The following INPP4B variants were observed in gnomAD, a reference collection of about 807,000 sequenced individuals.
The protein encoded by INPP4B is inositol polyphosphate-4-phosphatase type II B, also known as inositol polyphosphate 4-phosphatase type II.
INPP4B carries 55 observed loss-of-function variants against 122.5 expected under a neutral mutation model. That is an observed-to-expected ratio of 0.45 (90% CI 0.36 to 0.56). The LOEUF (loss-of-function observed/expected upper bound fraction) is 0.56. Ranked by LOEUF, INPP4B falls within the 20% of genes least tolerant of loss-of-function variation. The probability of loss-of-function intolerance (pLI) is 0.00; values close to 1 mark genes in which losing one functional copy is unlikely to be tolerated. For synonymous variants in INPP4B, 403 were observed against 388.7 expected (o/e 1.04, Z -0.43); for missense variants, 1,000 against 1,097.7 (o/e 0.91, Z 1.26).
chr4:142,244,139 C>T (rs1003975304), intron 11 of INPP4B, among the ~76,000 whole-genome samples: 2 of 151,630 alleles, frequency 1.3e-5, no homozygotes, highest in Non-Finnish European at 2.9e-5. Context: ...TCAACTCCCA[C>T]TTACGAGTGA....
intron 2 of INPP4B, among the ~76,000 whole-genome samples, chr4:142,691,600 A>C (rs963873087): frequency 6.6e-6 from 1 of 152,152 alleles, no homozygotes; most frequent in African/African-American, 2.4e-5. Flanking sequence ...ACAAACTCAG[A>C]ATCCTGGTTA....
Position 142,142,168 on chromosome 4 carries a change from G to A in INPP4B, c.1720+3672C>T, listed in dbSNP as rs565686924. On this transcript the variant is annotated intron_variant, in intron 18 of 25. Coordinates refer to ENST00000262992, the MANE Select transcript of INPP4B (RefSeq NM_001101669.3). ...CAATTCACTAATTAATTGTAAAAAA[G>A]AAAGGAGCAAAATGGCTTGGGCTGG... is the stretch of plus-strand genomic sequence containing the variant. 2.0e-4 allele frequency among the ~76,000 whole-genome samples: 31 copies of A among 152,066 alleles called. No individual in the cohort carries two copies. In the South Asian group the frequency reaches 2.7e-3, roughly 13 times the overall value.
chr4:142,352,508 CTT>C (rs1312574054), intron 7 of INPP4B, among the ~76,000 whole-genome samples: 1 of 151,126 alleles, frequency 6.6e-6, no homozygotes, highest in Non-Finnish European at 1.5e-5. Flanking sequence ...ATATATATTA[CTT>C]TTCTACACCA....
At position 142,122,689 on chromosome 4, in the gene INPP4B, TAACAGAAA is replaced by T. The variant is rs2152751150; in HGVS notation, c.2018-452_2018-445del. On this transcript the variant is annotated intron_variant, in intron 20 of 25. Transcript: ENST00000262992. ...ATTAAGATTCCAGATCAGCACTCTC[TAACAGAAA>T]TATGTGAGCCACATATATAATTTTA... Among the ~76,000 whole-genome samples, 2 of 152,188 alleles carry T rather than the reference TAACAGAAA, an allele frequency of 1.3e-5. 1 individual carries two copies. The highest frequency in any genetic ancestry group is 1.3e-4 in the Admixed American group (2 of 15,252).
chr4:142,288,776 A>AT (rs1755031443), intron 9 of INPP4B, among the ~76,000 whole-genome samples: 1 of 151,872 alleles, frequency 6.6e-6, no homozygotes, highest in African/African-American at 2.4e-5. Flanking sequence ...CTCTAAACTT[A>AT]TTTTTCTCAT....
At chr4:142,036,677 T>C (rs914967230) in intron 25 of INPP4B, among the ~76,000 whole-genome samples, 3 of 152,226 alleles carry the variant, frequency 2.0e-5, no homozygotes, top group Admixed American at 6.5e-5. Context: ...GTTTTTGTTG[T>C]AGAGGGGCAG....
intron 15 of INPP4B, among the ~76,000 whole-genome samples, chr4:142,185,572 T>G (rs928386382): frequency 6.6e-6 from 1 of 151,958 alleles, no homozygotes; most frequent in Non-Finnish European, 1.5e-5. Flanking sequence ...AAATCTTAGT[T>G]TCTTAGTTAA....
At chr4:142,628,232 T>TA (rs898810422) in intron 2 of INPP4B, among the ~76,000 whole-genome samples, 6 of 148,328 alleles carry the variant, frequency 4.0e-5, no homozygotes, top group Admixed American at 2.7e-4. Flanking sequence ...TATGCAGCCA[T>TA]AAAAAATGAT....
At chr4:142,526,124 C>G (rs943348030) in intron 2 of INPP4B, among the ~76,000 whole-genome samples, 1 of 151,974 alleles carries the variant, frequency 6.6e-6, no homozygotes, top group Non-Finnish European at 1.5e-5. Context: ...GTAGGAATCC[C>G]TGGCCATTAA....
chr4:142,239,238 T>C (rs961025122), intron 11 of INPP4B, among the ~76,000 whole-genome samples: 3 of 152,134 alleles, frequency 2.0e-5, no homozygotes, highest in African/African-American at 7.2e-5. Flanking sequence ...GGTACCATAA[T>C]GGAAATTTTG....
At position 142,590,588 on chromosome 4, in the gene INPP4B, G is replaced by T. The variant is rs145524486; in HGVS notation, c.-190-127862C>A. 3.3e-5 allele frequency among the ~76,000 whole-genome samples: 5 copies of T among 152,232 alleles called. No individual in the cohort carries two copies. In the East Asian group the frequency reaches 7.7e-4, roughly 24 times the overall value. On this transcript the variant is annotated intron_variant, in intron 2 of 25. Coordinates refer to ENST00000262992, the MANE Select transcript of INPP4B (RefSeq NM_001101669.3). ...CAGATTTCTCATTGTTGGAAAGGGA[G>T]ATTACAGATTAGCAACAGGAGGAGG...
chr4:142,641,470 C>A (rs888448591), intron 2 of INPP4B, among the ~76,000 whole-genome samples: 1 of 148,892 alleles, frequency 6.7e-6, no homozygotes. Context: ...TTTCCTGTGT[C>A]CAAGTGTTCT....
intron 2 of INPP4B, among the ~76,000 whole-genome samples, chr4:142,468,973 T>C (rs1022766648): frequency 6.6e-6 from 1 of 152,154 alleles, no homozygotes; most frequent in African/African-American, 2.4e-5. Context: ...AGAATCTAGA[T>C]TAAACTATTT....
At chr4:142,165,253 G>C (rs1822177050) in intron 16 of INPP4B, among the ~76,000 whole-genome samples, 1 of 90,906 alleles carries the variant, frequency 1.1e-5, no homozygotes. Context: ...AGTACTCAGA[G>C]TCCAAACCTC....
At chr4:142,215,217 T>C (rs1160157861) in intron 12 of INPP4B, among the ~76,000 whole-genome samples, 3 of 152,170 alleles carry the variant, frequency 2.0e-5, no homozygotes, top group Non-Finnish European at 4.4e-5. Context: ...TAGAATACCA[T>C]AAAGCTTTTA....
At chr4:142,512,694 T>C (rs1017755122) in intron 2 of INPP4B, among the ~76,000 whole-genome samples, 3 of 152,214 alleles carry the variant, frequency 2.0e-5, no homozygotes, top group Non-Finnish European at 4.4e-5. Context: ...CATACCATTA[T>C]TGTAATTGTC....
At chr4:142,539,625 C>T (rs1828702352) in intron 2 of INPP4B, among the ~76,000 whole-genome samples, 1 of 151,964 alleles carries the variant, frequency 6.6e-6, no homozygotes, top group South Asian at 2.1e-4. Context: ...TTCTGTGGTT[C>T]TCCACGGAAG....
intron 1 of INPP4B, among the ~76,000 whole-genome samples, chr4:142,806,823 G>GA (rs1778901003): frequency 6.8e-6 from 1 of 146,338 alleles, no homozygotes; most frequent in African/African-American, 2.6e-5. Flanking sequence ...AAGAAAGAAA[G>GA]AAAGAAAGAA....
chr4:142,806,840 AAAGAAAGAAAG>A (rs1289387088), intron 1 of INPP4B, among the ~76,000 whole-genome samples: 21 of 150,806 alleles, frequency 1.4e-4, no homozygotes, highest in African/African-American at 4.4e-4. Context: ...AGAAAGAAAG[AAAGAAAGAAAG>A]GAGAAGAAAA....
Sources: gnomAD v4.1 joint callset for allele counts (sites outside exome capture counted in the v4.1 genomes callset) on GRCh38, gnomAD v4.1.1 for gene constraint, MANE v1.5 for transcripts, NCBI Gene and HGNC (gene_info 2026-07-23, HGNC 2026-07-21) for gene names.